The following NELL2 variants were observed in gnomAD, a reference collection of about 807,000 sequenced individuals.
The protein encoded by NELL2 is protein kinase C-binding protein NELL2.
A neutral mutation model predicts 109.6 loss-of-function variants in NELL2; 41 were observed. The observed-to-expected ratio is 0.37, with a 90% CI of 0.29 to 0.49. The LOEUF (loss-of-function observed/expected upper bound fraction) is 0.49, where lower values mean the gene tolerates loss of function less well. NELL2 is among the 20% of genes least tolerant of loss of function. The pLI is 0.98. For synonymous variants in NELL2, 355 were observed against 344.7 expected (o/e 1.03, Z -0.33); for missense variants, 900 against 1,008.3 (o/e 0.89, Z 1.45).
At chr12:44,913,824 T>C (rs1056497587) in exon 1 of NELL2, 1 of 819,990 alleles carries the variant, frequency 1.2e-6, no homozygotes, top group Non-Finnish European at 1.9e-6. Flanking sequence ...ATGAGAAGTC[T>C]TCTTATAGAC....
intron 3 of NELL2, among the ~76,000 whole-genome samples, chr12:44,805,724 A>G (rs985122357): frequency 6.6e-6 from 1 of 151,928 alleles, no homozygotes; most frequent in Non-Finnish European, 1.5e-5. Context: ...CAATTAAAAG[A>G]TCAATAGGAA....
chr12:44,906,545 G>A (rs934914524), intron 1 of NELL2, among the ~76,000 whole-genome samples: 1 of 152,036 alleles, frequency 6.6e-6, no homozygotes, highest in African/African-American at 2.4e-5. Flanking sequence ...GAAGTGGTGA[G>A]ATTCTGGACT....
intron 9 of NELL2, among the ~76,000 whole-genome samples, chr12:44,732,097 A>G (rs1210418896): frequency 1.3e-5 from 2 of 152,070 alleles, no homozygotes; most frequent in Non-Finnish European, 2.9e-5. Flanking sequence ...ATGAAAATAC[A>G]GCTTGTGCTT....
intron 12 of NELL2, among the ~76,000 whole-genome samples, chr12:44,677,368 A>G (rs1948353991): frequency 6.6e-6 from 1 of 152,144 alleles, no homozygotes; most frequent in African/African-American, 2.4e-5. Flanking sequence ...TAAAAGATGC[A>G]GTAGAGTGTA....
intron 1 of NELL2, among the ~76,000 whole-genome samples, chr12:44,907,404 A>G (rs1486161008): frequency 6.6e-6 from 1 of 152,102 alleles, no homozygotes; most frequent in Non-Finnish European, 1.5e-5. Context: ...TAGGTGCAAA[A>G]CCAAAAAACA....
At chr12:44,915,114 G>A (rs750261555), upstream of NELL2, among the ~76,000 whole-genome samples, 2 of 152,146 alleles carry the variant, frequency 1.3e-5, no homozygotes, top group Non-Finnish European at 2.9e-5. Flanking sequence ...GCCTCCCAAA[G>A]TGCTGGGATT....
At chr12:44,824,877 AT>A (rs1446464841) in intron 2 of NELL2, among the ~76,000 whole-genome samples, 2 of 151,694 alleles carry the variant, frequency 1.3e-5, no homozygotes, top group Non-Finnish European at 2.9e-5. Context: ...CGCCTGGCTG[AT>A]TTTTTATACT....
chr12:44,665,385 A>T, intron 13 of NELL2, 99 bp downstream of exon 13: 1 of 995,868 alleles, frequency 1.0e-6, no homozygotes, highest in Non-Finnish European at 1.4e-6. Context: ...GTTTTGTTGT[A>T]TTTATGGTAT....
chr12:44,560,976 T>A (rs1401028341), intron 15 of NELL2, among the ~76,000 whole-genome samples: 1 of 152,188 alleles, frequency 6.6e-6, no homozygotes, highest in East Asian at 1.9e-4. Context: ...AAAAAGCTTA[T>A]CCACCATGAT....
intron 13 of NELL2, among the ~76,000 whole-genome samples, chr12:44,663,698 G>A (rs181665537): frequency 5.3e-4 from 80 of 152,270 alleles, no homozygotes; most frequent in African/African-American, 1.7e-3. Context: ...TGGGAGAGGC[G>A]AAGCCAAAGC....
intron 13 of NELL2, among the ~76,000 whole-genome samples, chr12:44,662,563 T>G (rs1396223822): frequency 1.3e-5 from 2 of 152,160 alleles, no homozygotes; most frequent in Non-Finnish European, 2.9e-5. Context: ...TCTACAAAAT[T>G]TTATGAACAT....
At chr12:44,527,036 G>C (rs1328499357) in intron 16 of NELL2, among the ~76,000 whole-genome samples, 2 of 152,164 alleles carry the variant, frequency 1.3e-5, no homozygotes, top group African/African-American at 4.8e-5. Flanking sequence ...ATCATACTTA[G>C]CAAAGTCCTA....
chr12:44,517,130 A>G (rs539957067), intron 19 of NELL2, among the ~76,000 whole-genome samples: 82 of 151,750 alleles, frequency 5.4e-4, no homozygotes, highest in African/African-American at 1.8e-3. Context: ...TTTCCCTCAA[A>G]TTGTTATTTA....
At chr12:44,689,059 G>A (rs892299366) in intron 12 of NELL2, among the ~76,000 whole-genome samples, 12 of 152,270 alleles carry the variant, frequency 7.9e-5, no homozygotes, top group African/African-American at 2.9e-4. Context: ...TTTCCTGGCT[G>A]CTAATAAATC....
At chr12:44,605,991 C>T (rs1945387784) in intron 15 of NELL2, among the ~76,000 whole-genome samples, 1 of 152,108 alleles carries the variant, frequency 6.6e-6, no homozygotes, top group African/African-American at 2.4e-5. Context: ...CTATAGGTGA[C>T]TCTCATGCAC....
At chr12:44,842,833 A>T (rs535303169) in intron 2 of NELL2, among the ~76,000 whole-genome samples, 43 of 152,210 alleles carry the variant, frequency 2.8e-4, no homozygotes, top group African/African-American at 1.0e-3. Context: ...ACACGCACAC[A>T]GAGGGAAGAG....
At chr12:44,755,353 C>T (rs1467360061) in intron 9 of NELL2, among the ~76,000 whole-genome samples, 1 of 152,048 alleles carries the variant, frequency 6.6e-6, no homozygotes, top group Non-Finnish European at 1.5e-5. Flanking sequence ...CATTAAATTC[C>T]CTACCTACAT....
intron 15 of NELL2, among the ~76,000 whole-genome samples, chr12:44,573,000 C>T (rs989824162): frequency 1.3e-5 from 2 of 152,114 alleles, no homozygotes; most frequent in East Asian, 1.9e-4. Flanking sequence ...GAGAAGAGAA[C>T]GTGCAGTCAG....
At chr12:44,561,240 T>C (rs1404994735) in intron 15 of NELL2, among the ~76,000 whole-genome samples, 1 of 152,022 alleles carries the variant, frequency 6.6e-6, no homozygotes, top group African/African-American at 2.4e-5. Context: ...ATGGGAAATG[T>C]TGGAAGTATT....
Sources: gnomAD v4.1 joint callset for allele counts (sites outside exome capture counted in the v4.1 genomes callset) on GRCh38, gnomAD v4.1.1 for gene constraint, MANE v1.5 for transcripts, NCBI Gene and HGNC (gene_info 2026-07-23, HGNC 2026-07-21) for gene names.